SAMTOR: variants seen among roughly 807,000 people sequenced by gnomAD.
SAMTOR encodes the protein UPF0532 protein C7orf60.
chr7:112,918,566 CATA>C, the SAMTOR span, among the ~76,000 whole-genome samples: 1 of 152,158 alleles, frequency 6.6e-6, no homozygotes, highest in African/African-American at 2.4e-5. Flanking sequence ...CAGCTAACAT[CATA>C]ATGACGGGAT....
chr7:112,828,090 T>C, the SAMTOR span, among the ~76,000 whole-genome samples: 70 of 152,318 alleles, frequency 4.6e-4, no homozygotes, highest in African/African-American at 1.6e-3. Context: ...CAAGTATATT[T>C]CTGATTCTCT....
At chr7:112,884,524 C>A in the SAMTOR span, among the ~76,000 whole-genome samples, 1 of 152,182 alleles carries the variant, frequency 6.6e-6, no homozygotes, top group Non-Finnish European at 1.5e-5. Flanking sequence ...AAAGGGGCTA[C>A]AGGTTCCATA....
chr7:112,922,525 G>A, the SAMTOR span, among the ~76,000 whole-genome samples: 11 of 150,864 alleles, frequency 7.3e-5, no homozygotes, highest in Admixed American at 1.3e-4. Context: ...GCCTCTTCCC[G>A]GCCGCCATCC....
At chr7:112,824,510 G>A in the SAMTOR span, among the ~76,000 whole-genome samples, 39 of 151,936 alleles carry the variant, frequency 2.6e-4, no homozygotes, top group Admixed American at 7.2e-4. Context: ...CTACAGGCAC[G>A]CACCACCATG....
the SAMTOR span, among the ~76,000 whole-genome samples, chr7:112,895,173 A>G: frequency 2.0e-5 from 3 of 151,692 alleles, no homozygotes; most frequent in Admixed American, 1.3e-4. Flanking sequence ...TTACATAAGA[A>G]TTACATATTG....
At chr7:112,928,371 A>G in the SAMTOR span, among the ~76,000 whole-genome samples, 1 of 151,910 alleles carries the variant, frequency 6.6e-6, no homozygotes, top group Non-Finnish European at 1.5e-5. Context: ...AAGAGGGTTT[A>G]TCTGCCTCCC....
At chr7:112,925,310 CCTT>C in the SAMTOR span, among the ~76,000 whole-genome samples, 2 of 152,056 alleles carry the variant, frequency 1.3e-5, no homozygotes, top group Admixed American at 1.3e-4. Context: ...GTCTAGAAGG[CCTT>C]TTTTTGAACT....
chr7:112,879,032 A>G, the SAMTOR span, among the ~76,000 whole-genome samples: 2 of 151,962 alleles, frequency 1.3e-5, no homozygotes, highest in Non-Finnish European at 2.9e-5. Flanking sequence ...AAATCTTAAA[A>G]GTTTCTGGCT....
chr7:112,859,800 AAGG>A, the SAMTOR span, among the ~76,000 whole-genome samples: 1 of 152,234 alleles, frequency 6.6e-6, no homozygotes, highest in South Asian at 2.1e-4. Flanking sequence ...TGTTACTGCA[AAGG>A]AGTCAAAAAG....
At chr7:112,922,671 G>A in the SAMTOR span, among the ~76,000 whole-genome samples, 328 of 148,566 alleles carry the variant, frequency 2.2e-3, 2 homozygotes, top group African/African-American at 7.3e-3. Flanking sequence ...GGTGAGGAGC[G>A]TCTCTGCCCG....
the SAMTOR span, among the ~76,000 whole-genome samples, chr7:112,873,147 C>T: frequency 1.3e-5 from 2 of 151,948 alleles, no homozygotes; most frequent in South Asian, 4.1e-4. Flanking sequence ...CTGCCCAAGG[C>T]AATGTACAGA....
At chr7:112,851,907 A>G in the SAMTOR span, among the ~76,000 whole-genome samples, 1 of 152,194 alleles carries the variant, frequency 6.6e-6, no homozygotes, top group Non-Finnish European at 1.5e-5. Context: ...AAAAATGTTC[A>G]ACAACTCTAA....
the SAMTOR span, among the ~76,000 whole-genome samples, chr7:112,936,314 C>T: frequency 6.6e-6 from 1 of 152,222 alleles, no homozygotes; most frequent in Non-Finnish European, 1.5e-5. Context: ...GTAACTGCTT[C>T]AGATACGAGT....
At chr7:112,930,360 C>T in the SAMTOR span, among the ~76,000 whole-genome samples, 238 of 152,038 alleles carry the variant, frequency 1.6e-3, 1 homozygote, top group African/African-American at 5.5e-3. Flanking sequence ...TAATTAAGAG[C>T]CAAAAAGTAA....
the SAMTOR span, among the ~76,000 whole-genome samples, chr7:112,871,739 A>C: frequency 5.4e-4 from 83 of 152,362 alleles, no homozygotes; most frequent in African/African-American, 1.9e-3. Context: ...AGATTGACAG[A>C]CCACTAGTTA....
the SAMTOR span, among the ~76,000 whole-genome samples, chr7:112,901,092 TGAAAA>T: frequency 1.3e-5 from 2 of 152,108 alleles, no homozygotes; most frequent in Non-Finnish European, 2.9e-5. Flanking sequence ...GTCAAGAGAA[TGAAAA>T]GAAAAGCCAC....
the SAMTOR span, among the ~76,000 whole-genome samples, chr7:112,897,294 C>T: frequency 3.2e-4 from 49 of 152,198 alleles, no homozygotes; most frequent in African/African-American, 9.6e-4. Flanking sequence ...TAGATGGGTG[C>T]ATTTTATTGT....
the SAMTOR span, among the ~76,000 whole-genome samples, chr7:112,926,793 T>G: frequency 1.3e-5 from 2 of 152,154 alleles, no homozygotes; most frequent in Non-Finnish European, 2.9e-5. Flanking sequence ...GGAAATGCTA[T>G]AAAAGAGATA....
the SAMTOR span, among the ~76,000 whole-genome samples, chr7:112,857,053 A>G: frequency 6.6e-6 from 1 of 151,382 alleles, no homozygotes; most frequent in Non-Finnish European, 1.5e-5. Flanking sequence ...AAAATAATGA[A>G]GTCAGCAGTA....
Sources: allele counts gnomAD v4.1 joint callset (sites outside exome capture counted in the v4.1 genomes callset), GRCh38; gene constraint gnomAD v4.1.1; transcripts MANE v1.5; gene names NCBI Gene and HGNC (gene_info 2026-07-23, HGNC 2026-07-21).